The following ZNF718 variants were observed in gnomAD, a reference collection of about 807,000 sequenced individuals.
The protein encoded by ZNF718 is zinc finger protein 718.
ZNF718 carries 3 observed loss-of-function variants against 2.6 expected under a neutral mutation model. The observed-to-expected ratio is 1.16, with a 90% CI of 0.53 to 3.01. The LOEUF (loss-of-function observed/expected upper bound fraction) is 3.01, where lower values mean the gene tolerates loss of function less well. ZNF718 is among the 30% of genes most tolerant of loss of function. The pLI is 0.03. For missense variants in ZNF718, 468 were observed against 230.0 expected (o/e 2.03, Z -6.69); for synonymous variants, 135 against 77.9 (o/e 1.73, Z -3.86).
intron 3 of ZNF718, among the ~76,000 whole-genome samples, chr4:190,258 G>A (rs1241153773): frequency 1.3e-5 from 2 of 151,754 alleles, no homozygotes; most frequent in African/African-American, 4.8e-5. Context: ...GTGAAACCCC[G>A]CCTGTACTAA....
At chr4:191,546 T>C (rs1717693927) in intron 3 of ZNF718, among the ~76,000 whole-genome samples, 4 of 151,750 alleles carry the variant, frequency 2.6e-5, no homozygotes, top group Admixed American at 2.6e-4. Context: ...GGAGAACAAA[T>C]CACTATAAAT....
chr4:168,688 C>T (rs535721181), downstream of ZNF718, among the ~76,000 whole-genome samples: 824 of 152,084 alleles, frequency 5.4e-3, 8 homozygotes, highest in African/African-American at 0.019. Context: ...TCTGTGGGAT[C>T]GGTGGTGATA....
intron 3 of ZNF718, among the ~76,000 whole-genome samples, chr4:174,745 G>C (rs1553818794): frequency 6.6e-6 from 1 of 152,158 alleles, no homozygotes; most frequent in Non-Finnish European, 1.5e-5. Flanking sequence ...AAAAATTCAA[G>C]TAATTTCCAA....
chr4:162,097 G>T lies in ZNF718; in HGVS notation c.1412G>T (p.Arg471Ile), dbSNP rs782147773. 2 of 752,522 alleles carry T rather than the reference G, an allele frequency of 2.7e-6. No individual in the cohort carries two copies. Among genetic ancestry groups the T allele is most frequent in the Non-Finnish European group, 2.5e-6 (1 of 406,546 alleles). The allele number at this position is 752,522 out of a possible 1,614,324, so 46.6% of individuals were successfully genotyped here. A position where few individuals can be genotyped will look rare whatever the true frequency, so the allele number is the denominator to read the frequency against. Residue 471 changes from arginine (R) to isoleucine (I), a missense_variant, in exon 4 of 4, where the codon AGA becomes ATA. Coordinates refer to ENST00000510175, the MANE Select transcript of ZNF718 (RefSeq NM_001039127.6). ...TACTCCAACCTTCCTCAACATAAGA[G>T]AACTCATACTGGAGGAAAATTTTAG... Reference protein sequence around the residue: ...KQYSNLPQHKRTHTGGKF With the variant: ...KQYSNLPQHKITHTGGKF
At chr4:148,473 G>A (rs1301234905) in intron 3 of ZNF718, among the ~76,000 whole-genome samples, 5 of 152,040 alleles carry the variant, frequency 3.3e-5, no homozygotes, top group Admixed American at 2.6e-4. Context: ...GCTGGGCATG[G>A]TGGCGGGCAT....
intron 3 of ZNF718, among the ~76,000 whole-genome samples, chr4:135,592 A>G (rs112386181): frequency 0.044 from 6,612 of 151,868 alleles, 363 homozygotes; most frequent in African/African-American, 0.13. Flanking sequence ...GGTTTGCCCT[A>G]GGCAGTACCC....
intron 3 of ZNF718, among the ~76,000 whole-genome samples, chr4:142,680 T>G (rs1185932865): frequency 6.7e-6 from 1 of 148,208 alleles, no homozygotes; most frequent in African/African-American, 2.5e-5. Flanking sequence ...TTAAATTCTT[T>G]TGTGAAAGTT....
chr4:166,315 T>C (rs1553816815), downstream of ZNF718, among the ~76,000 whole-genome samples: 1 of 152,242 alleles, frequency 6.6e-6, no homozygotes, highest in African/African-American at 2.4e-5. Flanking sequence ...AACATATGTG[T>C]GCATGTGTCT....
Position 133,196 on chromosome 4 carries a change from ATATATATAT to A in ZNF718, c.226+1692_226+1700del, listed in dbSNP as rs1238144951. On this transcript the variant is annotated intron_variant, in intron 3 of 3. Coordinates refer to ENST00000510175, the MANE Select transcript of ZNF718 (RefSeq NM_001039127.6). The stretch of plus-strand genomic sequence containing the variant: ...CCATCTTAAAAAAAAAAAAAAAAAA[ATATATATAT>A]ATATATATATATATATATATATATG... Among the ~76,000 whole-genome samples, 35 of 16,516 alleles carry A rather than the reference ATATATATAT, an allele frequency of 2.1e-3. 4 individuals carry two copies. Among genetic ancestry groups the A allele is most frequent in the African/African-American group, 0.011 (33 of 3,038 alleles). 10.8% of individuals were successfully genotyped at this position (16,516 alleles called of 152,430 possible).
chr4:200,423 C>T (rs527435408), intron 3 of ZNF718, among the ~76,000 whole-genome samples: 1 of 152,162 alleles, frequency 6.6e-6, no homozygotes, highest in Non-Finnish European at 1.5e-5. Context: ...CATGTGCCAC[C>T]ATGTCCAGCT....
chr4:124,700 A>G (rs970763409), intron 1 of ZNF718, 27 bp downstream of exon 1: 2 of 1,608,202 alleles, frequency 1.2e-6, no homozygotes, highest in African/African-American at 2.7e-5. Context: ...GGGCGTCCCA[A>G]GGCTGTGGAG....
chr4:162,655 T>C lies in ZNF718; in HGVS notation c.*533T>C, dbSNP rs1553815850. 6.6e-6 allele frequency: 1 copy of C among 152,214 alleles called. No individual in the cohort carries two copies. The highest frequency in any genetic ancestry group is 6.5e-5 in the Admixed American group (1 of 15,278). 9.4% of individuals were successfully genotyped at this position (152,214 alleles called of 1,614,324 possible). Reference sequence around the variant, plus strand: ...ACCTGTACTTGCATCATGGGTCTTATTGTGCATATTTCATACTAGAAGAAA... The same window carrying C: ...ACCTGTACTTGCATCATGGGTCTTACTGTGCATATTTCATACTAGAAGAAA... On this transcript the variant is annotated 3_prime_UTR_variant, in exon 4 of 4. Coordinates refer to ENST00000510175, the MANE Select transcript of ZNF718 (RefSeq NM_001039127.6).
At chr4:130,750 A>G in intron 1 of ZNF718, 38 bp from the exon 2 acceptor site, 1 of 307,850 alleles carries the variant, frequency 3.2e-6, no homozygotes, top group Middle Eastern at 4.7e-4. Context: ...TTAAAAAAAA[A>G]AAAAGAATTC....
At chr4:185,368 G>C (rs1015627788) in intron 3 of ZNF718, among the ~76,000 whole-genome samples, 1 of 152,112 alleles carries the variant, frequency 6.6e-6, no homozygotes, top group Non-Finnish European at 1.5e-5. Flanking sequence ...TTGAGACACT[G>C]TTTGTTATGA....
chr4:161,188 A>G lies in ZNF718; in HGVS notation c.503A>G (p.Asp168Gly), dbSNP rs1553814975. The change falls in exon 4 of 4, where the codon GAT becomes GGT. Residue 168 changes from aspartate to glycine, a missense_variant. Coordinates refer to ENST00000510175, the MANE Select transcript of ZNF718 (RefSeq NM_001039127.6). ...AAAGATAAGATAAGATATACTGGAG[A>G]TAAAACCTTTAAATGTAAAGAATGT... is the stretch of plus-strand genomic sequence containing the variant. ...SNKDKIRYTGDKTFKCKECGK... is the reference protein window; with the variant it reads ...SNKDKIRYTGGKTFKCKECGK... 6.5e-6 allele frequency: 5 copies of G among 769,284 alleles called. No homozygotes were observed. The highest frequency in any genetic ancestry group is 1.2e-5 in the Non-Finnish European group (5 of 413,244). 47.7% of individuals were successfully genotyped at this position (769,284 alleles called of 1,614,324 possible). A position where few individuals can be genotyped will look rare whatever the true frequency, so the allele number is the denominator to read the frequency against.
downstream of ZNF718, among the ~76,000 whole-genome samples, chr4:165,704 C>G (rs1173806618): frequency 2.0e-5 from 3 of 152,240 alleles, no homozygotes; most frequent in East Asian, 5.8e-4. Context: ...GAGGCTGAGG[C>G]TGGAGAATTG....
At chr4:135,416 T>G (rs1225347978) in intron 3 of ZNF718, among the ~76,000 whole-genome samples, 4 of 151,950 alleles carry the variant, frequency 2.6e-5, no homozygotes, top group African/African-American at 9.7e-5. Flanking sequence ...GGTTCCATCT[T>G]GAAAGGCAGG....
At chr4:180,691 AAC>A (rs1717445905) in intron 3 of ZNF718, among the ~76,000 whole-genome samples, 1 of 152,326 alleles carries the variant, frequency 6.6e-6, no homozygotes, top group East Asian at 1.9e-4. Flanking sequence ...CCTTTCTGGA[AAC>A]ACACTCTAGT....
At chr4:153,078 GT>G (rs1281351046) in intron 3 of ZNF718, among the ~76,000 whole-genome samples, 1 of 151,654 alleles carries the variant, frequency 6.6e-6, no homozygotes, top group African/African-American at 2.4e-5. Flanking sequence ...TTGTGATTGA[GT>G]TTTTTATATC....
Sources: gnomAD v4.1 joint callset for allele counts (sites outside exome capture counted in the v4.1 genomes callset) on GRCh38, gnomAD v4.1.1 for gene constraint, MANE v1.5 for transcripts, NCBI Gene and HGNC (gene_info 2026-07-23, HGNC 2026-07-21) for gene names.